The following FUT8 variants were observed in gnomAD, a reference collection of about 807,000 sequenced individuals.
FUT8 encodes alpha-(1,6)-fucosyltransferase.
FUT8 carries 29 observed loss-of-function variants against 71.3 expected under a neutral mutation model. That is an observed-to-expected ratio of 0.41 (90% CI 0.30 to 0.55). The LOEUF (loss-of-function observed/expected upper bound fraction) is 0.55. Ranked by LOEUF, FUT8 falls within the 20% of genes least tolerant of loss-of-function variation. The pLI, the probability that FUT8 is intolerant of heterozygous loss-of-function variation, is 0.34. For synonymous variants in FUT8, 254 were observed against 239.3 expected (o/e 1.06, Z -0.57); for missense variants, 544 against 702.1 (o/e 0.77, Z 2.55).
intron 4 of FUT8, 45 bp from the exon 5 acceptor site, chr14:65,616,166 A>T (rs1386506393): frequency 2.5e-6 from 4 of 1,596,092 alleles, no homozygotes; most frequent in Non-Finnish European, 3.4e-6. Context: ...GTTTCCTTTT[A>T]TCAAAATGTT....
In FUT8 at chr14:65,422,353, CAGT is replaced by C. The variant is rs770193161; in HGVS notation, c.-326+9142_-326+9144del. On this transcript the variant is annotated intron_variant, in intron 1 of 10. Coordinates refer to ENST00000673929, the MANE Select transcript of FUT8 (RefSeq NM_001371533.1). ...TAAACCACACTGCATTTTCACCAAA[CAGT>C]AGAGTTAGCCCATCCCTTCCTGCCT... Among the ~76,000 whole-genome samples the C allele has an allele frequency of 2.4e-4, 36 of 152,190 alleles. 2 individuals are homozygous for C. The highest frequency in any genetic ancestry group is 4.4e-4 in the Non-Finnish European group (30 of 68,042).
chr14:65,486,280 G>C (rs78911949), intron 2 of FUT8, among the ~76,000 whole-genome samples: 1,686 of 152,164 alleles, frequency 0.011, 15 homozygotes, highest in Non-Finnish European at 0.018. Context: ...TTTTCAGTTG[G>C]TTAAAATAAA....
At chr14:65,601,562 T>A (rs1888289097) in intron 3 of FUT8, among the ~76,000 whole-genome samples, 1 of 152,194 alleles carries the variant, frequency 6.6e-6, no homozygotes, top group South Asian at 2.1e-4. Flanking sequence ...AAATTTTTTC[T>A]TATTATCATG....
chr14:65,715,324 A>G (rs1287558091), intron 7 of FUT8, among the ~76,000 whole-genome samples: 2 of 152,354 alleles, frequency 1.3e-5, no homozygotes, highest in East Asian at 1.9e-4. Context: ...TTCTGCATCA[A>G]TTGAAATGAT....
At chr14:65,579,600 C>T (rs1228067521) in intron 3 of FUT8, among the ~76,000 whole-genome samples, 1 of 152,108 alleles carries the variant, frequency 6.6e-6, no homozygotes, top group Non-Finnish European at 1.5e-5. Context: ...GAAGAAACCA[C>T]ATACTGTAAG....
intron 7 of FUT8, among the ~76,000 whole-genome samples, chr14:65,688,188 T>C (rs1893394043): frequency 6.6e-6 from 1 of 152,184 alleles, no homozygotes; most frequent in African/African-American, 2.4e-5. Flanking sequence ...TTATTCACTG[T>C]AGCATAATCA....
rs548130927 is a variant in FUT8, at chr14:65,557,101, C to T, written c.-227-4236C>T. On this transcript the variant is annotated intron_variant, in intron 2 of 10. Transcript: ENST00000673929. ...ATATATGTTAACCTTATTTAAGGCT[C>T]GTGGCAACTCTATTAAGTCTCCTTA... 1.3e-3 allele frequency among the ~76,000 whole-genome samples: 199 copies of T among 152,264 alleles called. 1 individual carries two copies. The highest frequency in any genetic ancestry group is 4.7e-3 in the African/African-American group (194 of 41,556).
chr14:65,368,178 C>T, the FUT8 span, among the ~76,000 whole-genome samples: 1 of 148,346 alleles, frequency 6.7e-6, no homozygotes, highest in East Asian at 2.0e-4. Context: ...CTCAGCCTTC[C>T]CGGTAGCTGG....
intron 7 of FUT8, among the ~76,000 whole-genome samples, chr14:65,692,015 A>C (rs1445357305): frequency 2.0e-5 from 3 of 151,838 alleles, no homozygotes; most frequent in African/African-American, 7.3e-5. Context: ...CTACACAGAC[A>C]CGGCAACCAT....
In FUT8 at chr14:65,629,554, A is replaced by T. The variant is rs1328243369; in HGVS notation, c.545A>T (p.Lys182Ile). The T allele has an allele frequency of 6.2e-7, 1 of 1,613,930 alleles. No individual in the cohort carries two copies. Among genetic ancestry groups the T allele is most frequent in the Non-Finnish European group, 8.5e-7 (1 of 1,179,796 alleles). ...QTDGAGDWRE[K>I]EAKDLTELVQ... ...GATGGAGCAGGTGATTGGCGGGAAAAAGAGGCCAAAGATCTGACAGAACTG... is the reference window on the plus strand; with the variant it reads ...GATGGAGCAGGTGATTGGCGGGAAATAGAGGCCAAAGATCTGACAGAACTG... The change falls in exon 6 of 11, where the codon AAA (lysine) becomes ATA (isoleucine). Residue 182 changes from lysine to isoleucine, a missense_variant. Physicochemically the swap from Lys to Ile is moderately radical, Grantham distance 102. Transcript: ENST00000673929.
chr14:65,651,603 A>G (rs1325070263), intron 6 of FUT8, among the ~76,000 whole-genome samples: 2 of 152,264 alleles, frequency 1.3e-5, no homozygotes, highest in African/African-American at 4.8e-5. Flanking sequence ...TCTGACAAGG[A>G]TTTTAAAGAA....
chr14:65,726,014 G>GCA (rs112955215), intron 9 of FUT8, among the ~76,000 whole-genome samples: 3,177 of 151,502 alleles, frequency 0.021, 38 homozygotes, highest in Non-Finnish European at 0.031. Context: ...GCGCATGCGT[G>GCA]CACACACACA....
At chr14:65,545,320 T>C (rs1468709009) in intron 2 of FUT8, among the ~76,000 whole-genome samples, 1 of 152,014 alleles carries the variant, frequency 6.6e-6, no homozygotes, top group East Asian at 1.9e-4. Flanking sequence ...TGGGCACATA[T>C]TAATCCTGAA....
rs188014802 is a variant in FUT8 at position 65,478,180 on chromosome 14, A to G, written c.-228+22462A>G. Among the ~76,000 whole-genome samples the G allele has an allele frequency of 6.6e-5, 10 of 152,210 alleles. No individual in the cohort carries two copies. In the East Asian group the frequency reaches 1.4e-3, roughly 21 times the overall value. On this transcript the variant is annotated intron_variant, in intron 2 of 10. Coordinates refer to ENST00000673929, the MANE Select transcript of FUT8 (RefSeq NM_001371533.1). The stretch of plus-strand genomic sequence containing the variant: ...ATCTATCTTTGAGGTTTTGAGAACA[A>G]TAGTATTCTTGTTCTTTAGGTTCTG...
At chr14:65,698,764 C>T (rs556655142) in intron 7 of FUT8, among the ~76,000 whole-genome samples, 120 of 152,082 alleles carry the variant, frequency 7.9e-4, no homozygotes, top group African/African-American at 2.7e-3. Flanking sequence ...AGGTACGGCA[C>T]GTTATATTAT....
At chr14:65,655,956 ACCT>A (rs1891658780) in intron 6 of FUT8, among the ~76,000 whole-genome samples, 1 of 152,180 alleles carries the variant, frequency 6.6e-6, no homozygotes, top group Non-Finnish European at 1.5e-5. Flanking sequence ...AAGGGAATAT[ACCT>A]CAACATAATA....
At chr14:65,706,705 T>C (rs1894573690) in intron 7 of FUT8, among the ~76,000 whole-genome samples, 2 of 152,142 alleles carry the variant, frequency 1.3e-5, no homozygotes, top group Admixed American at 1.3e-4. Flanking sequence ...TTTAAAAAGT[T>C]ATTAATCCCA....
Position 65,566,494 on chromosome 14 carries a change from C to T in FUT8, c.203+4728C>T, listed in dbSNP as rs564506763. On this transcript the variant is annotated intron_variant, in intron 3 of 10. Coordinates refer to ENST00000673929, the MANE Select transcript of FUT8 (RefSeq NM_001371533.1). ...ATATAGCCAGAGTTATGTATAGACC[C>T]GATTGATAGATAATAGAGAACAATA... 3.3e-5 allele frequency among the ~76,000 whole-genome samples: 5 copies of T among 151,908 alleles called. No homozygotes were observed. The South Asian group carries it at 8.3e-4, about 25-fold the overall frequency.
In FUT8 at chr14:65,550,217, A is replaced by T. The variant is rs1241653662; in HGVS notation, c.-227-11120A>T. On this transcript the variant is annotated intron_variant, in intron 2 of 10. Transcript: ENST00000673929. This position sits in a 1 kb window ranked among gnomAD's most constrained non-coding sequence, Gnocchi z 4.5. The stretch of plus-strand genomic sequence containing the variant: ...GGGAGCCAGCGTATCACATGGTGAG[A>T]AGGGGTGCAAGAGAGAGAAGGGAGG... Among the ~76,000 whole-genome samples, 1 of 152,094 alleles carries T rather than the reference A, an allele frequency of 6.6e-6. No individual in the cohort carries two copies. Among genetic ancestry groups the T allele is most frequent in the Admixed American group, 6.5e-5 (1 of 15,270 alleles).
Sources: gnomAD v4.1 joint callset for allele counts (sites outside exome capture counted in the v4.1 genomes callset) on GRCh38, gnomAD v4.1.1 for gene constraint, Gnocchi (gnomAD v3.1) non-coding constraint, MANE v1.5 for transcripts, NCBI Gene and HGNC (gene_info 2026-07-23, HGNC 2026-07-21) for gene names.